Variants in PDE5A observed in about 807,000 individuals in gnomAD.
The protein encoded by PDE5A is phosphodiesterase 5A.
PDE5A carries 67 observed loss-of-function variants against 110.2 expected under a neutral mutation model. The observed-to-expected ratio is 0.61, with a 90% confidence interval of 0.50 to 0.75. The LOEUF is 0.75. Ranked by LOEUF, PDE5A falls within the 30% of genes least tolerant of loss-of-function variation. PDE5A has a pLI of 0.00. For missense variants in PDE5A, 862 were observed against 1,045.1 expected (o/e 0.82, Z 2.42); for synonymous variants, 328 against 351.2 (o/e 0.93, Z 0.74).
chr4:119,590,630 T>TA (rs559147566), intron 3 of PDE5A, among the ~76,000 whole-genome samples: 6 of 152,146 alleles, frequency 3.9e-5, no homozygotes, highest in African/African-American at 7.2e-5. Flanking sequence ...TCCTTACTTG[T>TA]AAAAAAAGCA....
chr4:119,591,117 C>G (rs534037941), intron 3 of PDE5A, among the ~76,000 whole-genome samples: 1 of 152,162 alleles, frequency 6.6e-6, no homozygotes, highest in Non-Finnish European at 1.5e-5. Context: ...TAGACTATGT[C>G]AGGGGCTGTG....
chr4:119,551,135 T>A (rs2110495014), intron 9 of PDE5A, among the ~76,000 whole-genome samples: 1 of 152,284 alleles, frequency 6.6e-6, no homozygotes, highest in East Asian at 1.9e-4. Flanking sequence ...TACTGAAGAC[T>A]GCTGGGGTGG....
chr4:119,565,431 A>T lies in PDE5A; in HGVS notation c.904-21T>A, dbSNP rs780898438. The T allele has an allele frequency of 2.6e-6, 4 of 1,531,776 alleles. No individual in the cohort carries two copies. The African/African-American group carries it at 5.5e-5, about 21-fold the overall frequency. The allele number at this position is 1,531,776 out of a possible 1,614,324, so 94.9% of individuals were successfully genotyped here. On this transcript the variant is annotated intron_variant, in intron 4 of 20. Coordinates refer to ENST00000354960, the MANE Select transcript of PDE5A (RefSeq NM_001083.4). ...AAGTCCTAAAAAACAGATAATAGAC[A>T]AATAAAAACGGTACATAAAACAGTC...
chr4:119,544,017 AT>A (rs911000927), intron 9 of PDE5A, among the ~76,000 whole-genome samples: 34 of 152,312 alleles, frequency 2.2e-4, no homozygotes, highest in African/African-American at 7.7e-4. Flanking sequence ...AACTAAAAAA[AT>A]GTTTTCCGAA....
chr4:119,507,888 G>A (rs1725608608), intron 15 of PDE5A, among the ~76,000 whole-genome samples, 184 bp from the exon 16 acceptor site: 1 of 151,814 alleles, frequency 6.6e-6, no homozygotes, highest in South Asian at 2.1e-4. Context: ...TGTCATACAT[G>A]TAAACCGCTT....
chr4:119,627,175 T>TA lies in PDE5A; in HGVS notation c.152+1344dup. 6.2e-7 allele frequency: 1 copy of TA among 1,612,786 alleles called. No individual in the cohort carries two copies. On this transcript the variant is annotated intron_variant, in intron 1 of 20. Transcript: ENST00000354960. This position sits in a 1 kb window ranked among gnomAD's most constrained non-coding sequence, Gnocchi z 4.6. ...CTTGTTTTGTCTCCAAAGGGCAACA[T>TA]AGCAAACGTGGGAAGTTCGTTTTCG... is the stretch of plus-strand genomic sequence containing the variant.
chr4:119,607,796 G>A (rs1031151405), intron 1 of PDE5A, among the ~76,000 whole-genome samples: 1 of 151,968 alleles, frequency 6.6e-6, no homozygotes, highest in Non-Finnish European at 1.5e-5. Context: ...TTGCTTTAAT[G>A]AACATCTTAA....
intron 13 of PDE5A, among the ~76,000 whole-genome samples, chr4:119,520,724 C>T (rs1287752519): frequency 6.6e-6 from 1 of 151,984 alleles, no homozygotes; most frequent in Middle Eastern, 3.2e-3. Context: ...TTCTAATATG[C>T]CATATATATC....
intron 7 of PDE5A, among the ~76,000 whole-genome samples, chr4:119,556,570 G>A (rs1403735036): frequency 6.6e-6 from 1 of 152,114 alleles, no homozygotes; most frequent in Non-Finnish European, 1.5e-5. Context: ...TTTATTTTGG[G>A]TTTTCATGAT....
At chr4:119,625,304 T>C (rs1034745967) in intron 1 of PDE5A, among the ~76,000 whole-genome samples, 2 of 152,130 alleles carry the variant, frequency 1.3e-5, no homozygotes, top group African/African-American at 4.8e-5. Context: ...GCCCAACCTA[T>C]AGCTTTTAAT....
chr4:119,618,796 C>T (rs11731568), intron 1 of PDE5A, among the ~76,000 whole-genome samples: 16,274 of 151,858 alleles, frequency 0.11, 1,061 homozygotes, highest in Non-Finnish European at 0.15. Flanking sequence ...GATAAAACAA[C>T]GCTTTAACAC....
chr4:119,502,741 G>A (rs1578721540), intron 18 of PDE5A, 86 bp from the exon 19 acceptor site: 1 of 813,756 alleles, frequency 1.2e-6, no homozygotes, highest in East Asian at 2.5e-5. Context: ...CCTGTTAGGA[G>A]CTGTATATCT....
intron 3 of PDE5A, among the ~76,000 whole-genome samples, chr4:119,578,352 G>A (rs1213997508): frequency 6.6e-6 from 1 of 152,110 alleles, no homozygotes; most frequent in African/African-American, 2.4e-5. Context: ...GAGTTCATAT[G>A]GAACCAAAAA....
At chr4:119,626,077 C>T (rs1224816690) in intron 1 of PDE5A, among the ~76,000 whole-genome samples, 2 of 152,190 alleles carry the variant, frequency 1.3e-5, no homozygotes, top group Non-Finnish European at 2.9e-5. Flanking sequence ...TATGTATACA[C>T]ACATACATAT....
chr4:119,528,499 A>G (rs950022505), intron 11 of PDE5A, among the ~76,000 whole-genome samples: 11 of 152,236 alleles, frequency 7.2e-5, no homozygotes, highest in African/African-American at 2.6e-4. Flanking sequence ...CCATATTTAC[A>G]TTTCAGCATG....
chr4:119,555,122 C>G (rs189475978), intron 7 of PDE5A, among the ~76,000 whole-genome samples: 1 of 152,162 alleles, frequency 6.6e-6, no homozygotes, highest in South Asian at 2.1e-4. Flanking sequence ...GATTCCTGAA[C>G]CCTGTGGCCT....
Position 119,505,906 on chromosome 4 carries a change from A to G in PDE5A, c.2216T>C (p.Ile739Thr), listed in dbSNP as rs201830023. 5 of 1,569,892 alleles carry G rather than the reference A, an allele frequency of 3.2e-6. No individual in the cohort carries two copies. The Admixed American group carries it at 5.8e-5, about 18-fold the overall frequency. The change falls in exon 17 of 21, where the codon ATA becomes ACA. Residue 739 changes from isoleucine (I) to threonine (T), a missense_variant. Physicochemically the swap from Ile to Thr is moderately conservative, Grantham distance 89. Transcript: ENST00000354960. ...IKRRGEFFEL[I>T]RKNQFNLEDP... ...TTCCAAATTGAATTGATTTTTTCTTATAAGTTCAAAAAATTCTCCTCGCCT... is the reference window on the plus strand; with the variant it reads ...TTCCAAATTGAATTGATTTTTTCTTGTAAGTTCAAAAAATTCTCCTCGCCT...
intron 3 of PDE5A, among the ~76,000 whole-genome samples, chr4:119,584,003 A>G (rs1728674003): frequency 1.3e-5 from 2 of 152,280 alleles, no homozygotes; most frequent in African/African-American, 4.8e-5. Flanking sequence ...AGAGGAGAGA[A>G]CTGCTGAGCT....
intron 3 of PDE5A, 150 bp from the exon 4 acceptor site, chr4:119,567,294 A>G (rs1727976427): frequency 2.4e-5 from 14 of 591,232 alleles, no homozygotes; most frequent in Non-Finnish European, 3.9e-5. Context: ...TCAGCATTTG[A>G]GCAAGCTTTA....
Sources: gnomAD v4.1 joint callset for allele counts (sites outside exome capture counted in the v4.1 genomes callset) on GRCh38, gnomAD v4.1.1 for gene constraint, Gnocchi (gnomAD v3.1) non-coding constraint, MANE v1.5 for transcripts, NCBI Gene and HGNC (gene_info 2026-07-23, HGNC 2026-07-21) for gene names.